Variants in DNAH6 observed in about 807,000 individuals in gnomAD.
The protein encoded by DNAH6 is axonemal beta dynein heavy chain 6.
In DNAH6, 340 loss-of-function variants were observed where a neutral mutation model predicts 491.4. That is an observed-to-expected ratio of 0.69 (90% confidence interval 0.63 to 0.76). The LOEUF is 0.76. Among genes scored for constraint, DNAH6 ranks in the 30% least tolerant of loss-of-function variants. The pLI is 0.00. For synonymous variants in DNAH6, 1,603 were observed against 1,686.1 expected, an observed-to-expected ratio of 0.95 and a Z score of 1.21; for missense variants, 4,443 against 4,972.2, an observed-to-expected ratio of 0.89 and a Z score of 3.20.
chr2:84,793,222 A>C (rs1677953768), intron 68 of DNAH6, among the ~76,000 whole-genome samples: 1 of 142,164 alleles, frequency 7.0e-6, no homozygotes, highest in Non-Finnish European at 1.5e-5. Context: ...ACGTACACAC[A>C]CACGGGCGTG....
the DNAH6 span, among the ~76,000 whole-genome samples, chr2:84,491,214 A>G: frequency 3.3e-5 from 5 of 152,200 alleles, no homozygotes; most frequent in African/African-American, 1.2e-4. Context: ...AAGTGTCTGT[A>G]TCATTTTGTA....
chr2:84,532,466 G>T lies in DNAH6; in HGVS notation c.662+3300G>T, dbSNP rs182573770. Among the ~76,000 whole-genome samples, 128 of 152,226 alleles carry T rather than the reference G, an allele frequency of 8.4e-4. 2 individuals are homozygous for T. Among genetic ancestry groups the T allele is most frequent in the African/African-American group, 2.9e-3 (122 of 41,556 alleles). ...GCAGCTAAACTGGAAGTTAAACATA[G>T]TATATACTGTGTCAACAAGATGAGG... On this transcript the variant is annotated intron_variant, in intron 4 of 76. Coordinates refer to ENST00000389394, the MANE Select transcript of DNAH6 (RefSeq NM_001370.2).
At chr2:84,695,433 G>A (rs1227475105) in intron 46 of DNAH6, among the ~76,000 whole-genome samples, 1 of 152,082 alleles carries the variant, frequency 6.6e-6, no homozygotes, top group African/African-American at 2.4e-5. Context: ...AAATCTTTCT[G>A]GAAGGTAGTT....
At chr2:84,521,235 C>T (rs934220471) in intron 2 of DNAH6, among the ~76,000 whole-genome samples, 2 of 151,736 alleles carry the variant, frequency 1.3e-5, no homozygotes, top group Admixed American at 1.3e-4. Flanking sequence ...TGATATTGAG[C>T]TTTTTTTCAT....
intron 44 of DNAH6, among the ~76,000 whole-genome samples, chr2:84,687,926 T>C (rs1441780758): frequency 1.3e-5 from 2 of 152,090 alleles, no homozygotes; most frequent in Non-Finnish European, 2.9e-5. Flanking sequence ...CCAATGTCAA[T>C]AACCTAACAG....
At chr2:84,564,374 A>C (rs936095984) in intron 11 of DNAH6, among the ~76,000 whole-genome samples, 1 of 152,078 alleles carries the variant, frequency 6.6e-6, no homozygotes, top group African/African-American at 2.4e-5. Flanking sequence ...AGTGTTTTGT[A>C]GTTCTCCATG....
At chr2:84,471,988 C>G in the DNAH6 span, among the ~76,000 whole-genome samples, 1 of 152,138 alleles carries the variant, frequency 6.6e-6, no homozygotes, top group Non-Finnish European at 1.5e-5. Flanking sequence ...GAGACACAAG[C>G]AAATCCTCTT....
intron 70 of DNAH6, among the ~76,000 whole-genome samples, chr2:84,804,995 T>C (rs1048148985): frequency 3.9e-4 from 59 of 151,724 alleles, no homozygotes; most frequent in African/African-American, 1.4e-3. Flanking sequence ...TTTTTTTTTA[T>C]AGGGACAGAG....
At chr2:84,680,626 G>T (rs1693690819) in intron 41 of DNAH6, among the ~76,000 whole-genome samples, 1 of 151,958 alleles carries the variant, frequency 6.6e-6, no homozygotes. Context: ...GGGGACATGG[G>T]GAGCAATGGA....
chr2:84,756,432 C>T (rs191534421), intron 63 of DNAH6, among the ~76,000 whole-genome samples: 251 of 152,288 alleles, frequency 1.6e-3, no homozygotes, highest in African/African-American at 5.7e-3. Context: ...AAATACACTT[C>T]CTTATTCCAC....
intron 47 of DNAH6, among the ~76,000 whole-genome samples, chr2:84,699,095 G>T (rs1214574915): frequency 6.6e-6 from 1 of 151,962 alleles, no homozygotes; most frequent in Non-Finnish European, 1.5e-5. Flanking sequence ...TACTTCCTGG[G>T]TGACAAGATC....
At chr2:84,757,009 A>G (rs927304729) in intron 63 of DNAH6, among the ~76,000 whole-genome samples, 5 of 152,250 alleles carry the variant, frequency 3.3e-5, no homozygotes, top group African/African-American at 1.2e-4. Flanking sequence ...GAGATTGACC[A>G]TTCTCTAATG....
intron 9 of DNAH6, among the ~76,000 whole-genome samples, chr2:84,551,290 T>C (rs1375565323): frequency 1.3e-5 from 2 of 152,208 alleles, no homozygotes; most frequent in African/African-American, 4.8e-5. Context: ...AAGTCACATT[T>C]ATTTTTCTAT....
intron 3 of DNAH6, 77 bp from the exon 4 acceptor site, chr2:84,528,827 G>A (rs1676861796): frequency 2.2e-6 from 3 of 1,358,254 alleles, no homozygotes; most frequent in African/African-American, 1.5e-5. Flanking sequence ...ATTAGTCCTT[G>A]AAGGTAATAT....
At chr2:84,507,522 T>C in the DNAH6 span, among the ~76,000 whole-genome samples, 3 of 152,174 alleles carry the variant, frequency 2.0e-5, no homozygotes, top group African/African-American at 7.2e-5. Context: ...ACAGGGACAA[T>C]TTGACTTCCT....
Position 84,680,486 on chromosome 2 carries a change from C to T in DNAH6, c.6745-871C>T, listed in dbSNP as rs535574103. 1.9e-4 allele frequency among the ~76,000 whole-genome samples: 29 copies of T among 152,080 alleles called. No homozygotes were observed. The East Asian group carries it at 4.1e-3, about 21-fold the overall frequency. On this transcript the variant is annotated intron_variant, in intron 41 of 76. Coordinates refer to ENST00000389394, the MANE Select transcript of DNAH6 (RefSeq NM_001370.2). ...GTCAGGAAAGGCCTCTCTGGAGAGA[C>T]GGCATGTAACCTAAAACATGAAGGA...
rs1033022065 is a variant in DNAH6, at chr2:84,758,480, A to C, written c.10513-4275A>C. 5.9e-5 allele frequency among the ~76,000 whole-genome samples: 9 copies of C among 152,154 alleles called. No individual in the cohort carries two copies. In the South Asian group the frequency reaches 1.9e-3, roughly 31 times the overall value. Reference sequence around the variant, plus strand: ...ATAAGGACACAACAAAAAAAGAAAAATATAGACCAATATCCCTGATAAATA... The same window carrying C: ...ATAAGGACACAACAAAAAAAGAAAACTATAGACCAATATCCCTGATAAATA... On this transcript the variant is annotated intron_variant, in intron 63 of 76. Coordinates refer to ENST00000389394, the MANE Select transcript of DNAH6 (RefSeq NM_001370.2).
intron 70 of DNAH6, among the ~76,000 whole-genome samples, chr2:84,798,651 T>G (rs1678570023): frequency 6.6e-6 from 1 of 152,212 alleles, no homozygotes; most frequent in African/African-American, 2.4e-5. Flanking sequence ...AAAGTGCATC[T>G]ATTCCATGCA....
At chr2:84,600,513 T>C (rs1328694272) in intron 18 of DNAH6, among the ~76,000 whole-genome samples, 2 of 152,182 alleles carry the variant, frequency 1.3e-5, no homozygotes, top group South Asian at 2.1e-4. Context: ...TACTAGGCTG[T>C]GACAGTTTCT....
Sources: gnomAD v4.1 joint callset for allele counts (sites outside exome capture counted in the v4.1 genomes callset) on GRCh38, gnomAD v4.1.1 for gene constraint, MANE v1.5 for transcripts, NCBI Gene and HGNC (gene_info 2026-07-23, HGNC 2026-07-21) for gene names.